Variants in ZSWIM5 observed in about 807,000 individuals in gnomAD.
ZSWIM5 encodes zinc finger SWIM domain-containing protein 5.
ZSWIM5 carries 55 observed loss-of-function variants against 119.6 expected under a neutral mutation model. The ratio of observed to expected loss-of-function variants is 0.46; its 90% CI spans 0.37 to 0.58. The LOEUF is 0.58. ZSWIM5 is among the 20% of genes least tolerant of loss of function. The probability of loss-of-function intolerance (pLI) is 0.00; values close to 1 mark genes in which losing one functional copy is unlikely to be tolerated. For synonymous variants in ZSWIM5, 537 were observed against 606.9 expected, an observed-to-expected ratio of 0.88 and a Z score of 1.69; for missense variants, 1,193 against 1,512.8, an observed-to-expected ratio of 0.79 and a Z score of 3.51.
intron 1 of ZSWIM5, among the ~76,000 whole-genome samples, chr1:45,196,305 G>C (rs1339445171): frequency 6.6e-6 from 1 of 150,414 alleles, no homozygotes; most frequent in East Asian, 1.9e-4. Flanking sequence ...TGGGGTGAGT[G>C]CCAGGTACTG....
At chr1:45,061,308 A>G (rs1405446296) in intron 2 of ZSWIM5, among the ~76,000 whole-genome samples, 1 of 152,104 alleles carries the variant, frequency 6.6e-6, no homozygotes, top group Non-Finnish European at 1.5e-5. Flanking sequence ...TTTTTAAAAA[A>G]TTTTAACTGA....
At chr1:45,081,500 A>G (rs1645290833) in intron 2 of ZSWIM5, among the ~76,000 whole-genome samples, 1 of 152,084 alleles carries the variant, frequency 6.6e-6, no homozygotes, top group Non-Finnish European at 1.5e-5. Flanking sequence ...TTTGGTGGAG[A>G]CGGGGTTTCG....
intron 1 of ZSWIM5, among the ~76,000 whole-genome samples, chr1:45,141,340 G>A (rs1645725354): frequency 6.6e-6 from 1 of 152,136 alleles, no homozygotes; most frequent in Non-Finnish European, 1.5e-5. Flanking sequence ...TCTGGTGAGA[G>A]AACAGAAAAG....
At chr1:45,171,440 G>GA (rs2149045372) in intron 1 of ZSWIM5, among the ~76,000 whole-genome samples, 3 of 152,150 alleles carry the variant, frequency 2.0e-5, no homozygotes, top group African/African-American at 7.2e-5. Flanking sequence ...TACAGTGGTA[G>GA]GTAACTGACA....
At chr1:45,084,677 C>G (rs1274988599) in intron 2 of ZSWIM5, among the ~76,000 whole-genome samples, 1 of 152,254 alleles carries the variant, frequency 6.6e-6, no homozygotes, top group Non-Finnish European at 1.5e-5. Flanking sequence ...CAAAACCCAG[C>G]AGGGCAGTCA....
At chr1:45,075,507 T>C (rs923982677) in intron 2 of ZSWIM5, among the ~76,000 whole-genome samples, 3 of 152,222 alleles carry the variant, frequency 2.0e-5, no homozygotes, top group African/African-American at 7.2e-5. Flanking sequence ...CTATTTTGTC[T>C]GATAAAAGTA....
At chr1:45,108,250 C>T (rs921261348) in intron 1 of ZSWIM5, among the ~76,000 whole-genome samples, 1 of 152,134 alleles carries the variant, frequency 6.6e-6, no homozygotes, top group Non-Finnish European at 1.5e-5. Context: ...TACCACCTGA[C>T]TTATTGATTC....
intron 1 of ZSWIM5, among the ~76,000 whole-genome samples, chr1:45,140,220 C>T (rs1645717955): frequency 6.6e-6 from 1 of 152,098 alleles, no homozygotes; most frequent in Admixed American, 6.5e-5. Flanking sequence ...TCTGACCTGC[C>T]ACCTGTTTCT....
intron 1 of ZSWIM5, among the ~76,000 whole-genome samples, chr1:45,115,789 G>T (rs1175785289): frequency 1.3e-5 from 2 of 150,360 alleles, no homozygotes; most frequent in African/African-American, 4.9e-5. Flanking sequence ...AGGCAGAGGG[G>T]CTCCTCACAT....
chr1:45,132,484 G>T (rs1309166455), intron 1 of ZSWIM5, among the ~76,000 whole-genome samples: 1 of 152,076 alleles, frequency 6.6e-6, no homozygotes, highest in Non-Finnish European at 1.5e-5. Context: ...GTGTCCCTGT[G>T]CCCTAAAAAC....
At chr1:45,156,881 C>T (rs1243435564) in intron 1 of ZSWIM5, among the ~76,000 whole-genome samples, 2 of 151,760 alleles carry the variant, frequency 1.3e-5, no homozygotes, top group African/African-American at 4.8e-5. Context: ...AGAATCTACA[C>T]AAAAATTAAC....
intron 1 of ZSWIM5, among the ~76,000 whole-genome samples, chr1:45,164,569 G>A (rs1233048995): frequency 6.6e-6 from 1 of 152,060 alleles, no homozygotes; most frequent in Non-Finnish European, 1.5e-5. Context: ...CTGTATTCAG[G>A]AGACCCATCT....
chr1:45,059,630 A>C (rs1645141707), intron 3 of ZSWIM5, among the ~76,000 whole-genome samples: 2 of 152,196 alleles, frequency 1.3e-5, no homozygotes, highest in Non-Finnish European at 2.9e-5. Flanking sequence ...AAAACCACTG[A>C]ACTGAATTTT....
chr1:45,156,558 C>T (rs949097935), intron 1 of ZSWIM5, among the ~76,000 whole-genome samples: 3 of 151,592 alleles, frequency 2.0e-5, no homozygotes, highest in Non-Finnish European at 4.4e-5. Flanking sequence ...AGACAGGGGA[C>T]TCTGGAGGAG....
intron 1 of ZSWIM5, among the ~76,000 whole-genome samples, chr1:45,186,098 G>A (rs1646056628): frequency 6.6e-6 from 1 of 151,420 alleles, no homozygotes; most frequent in Admixed American, 6.6e-5. Flanking sequence ...CATGTCCTTT[G>A]TAGGGACATG....
chr1:45,139,929 G>A (rs1244898891), intron 1 of ZSWIM5, among the ~76,000 whole-genome samples: 3 of 151,710 alleles, frequency 2.0e-5, no homozygotes, highest in Admixed American at 1.3e-4. Context: ...AAGAACACTG[G>A]AAACAGTAGC....
At chr1:45,165,060 T>C (rs1300400707) in intron 1 of ZSWIM5, among the ~76,000 whole-genome samples, 1 of 152,122 alleles carries the variant, frequency 6.6e-6, no homozygotes, top group African/African-American at 2.4e-5. Flanking sequence ...GACCACATAG[T>C]TGGAAGTAAA....
intron 12 of ZSWIM5, 73 bp downstream of exon 12, chr1:45,020,552 A>T: frequency 2.0e-6 from 3 of 1,531,774 alleles, no homozygotes; most frequent in East Asian, 4.5e-5. Context: ...CCAGTCTCCC[A>T]GAGATCTTAT....
At chr1:45,103,444 G>A (rs1257592433) in intron 1 of ZSWIM5, among the ~76,000 whole-genome samples, 1 of 152,182 alleles carries the variant, frequency 6.6e-6, no homozygotes, top group Non-Finnish European at 1.5e-5. Context: ...CACACAACCT[G>A]TAAAATGTAA....
Sources: allele counts gnomAD v4.1 joint callset (sites outside exome capture counted in the v4.1 genomes callset), GRCh38; gene constraint gnomAD v4.1.1; transcripts MANE v1.5; gene names NCBI Gene and HGNC (gene_info 2026-07-23, HGNC 2026-07-21).